The following SLC6A9 variants were observed in gnomAD, a reference collection of about 807,000 sequenced individuals.
SLC6A9 encodes the protein solute carrier family 6 member 9.
In SLC6A9, 31 loss-of-function variants were observed where a neutral mutation model predicts 70.9. The observed-to-expected ratio is 0.44, with a 90% CI of 0.33 to 0.59. SLC6A9 has a LOEUF of 0.59. SLC6A9 is among the 20% of genes least tolerant of loss of function. SLC6A9 has a pLI of 0.04. For missense variants in SLC6A9, 631 were observed against 845.2 expected (o/e 0.75, Z 3.14); for synonymous variants, 310 against 341.3 (o/e 0.91, Z 1.01).
chr1:44,025,457 A>G (rs1213864156), intron 1 of SLC6A9, among the ~76,000 whole-genome samples: 2 of 148,788 alleles, frequency 1.3e-5, no homozygotes, highest in Admixed American at 1.4e-4. Context: ...GCCTCATTGC[A>G]CTCCAGCCTG....
At chr1:44,010,550 T>G (rs1571882548) in intron 3 of SLC6A9, 176 bp downstream of exon 3, 1 of 469,216 alleles carries the variant, frequency 2.1e-6, no homozygotes, top group Admixed American at 3.8e-5. Flanking sequence ...ACTGCCAGGG[T>G]CTGGGGTGGC....
rs779879426 is a variant in SLC6A9 at position 43,997,614 on chromosome 1, G to A, written c.1833C>T (p.His611=). ...CAATGGGGATCTGCGCCTTGTCCGG[G>A]TGCAGTGGCTGGACCTCGAAGCCGT... ...PEDGFEVQPL[H]PDKAQIPIVG... The change falls in exon 14 of 14, where the codon CAC becomes CAT. Residue 611 remains histidine, a synonymous_variant. Coordinates refer to ENST00000372310, the MANE Select transcript of SLC6A9 (RefSeq NM_001024845.3). The surrounding 1 kb of genome is among the most constrained non-coding windows in gnomAD (Gnocchi z 4.4). 1.2e-6 allele frequency: 2 copies of A among 1,614,022 alleles called. No individual in the cohort carries two copies. The highest frequency in any genetic ancestry group is 2.2e-5 in the South Asian group (2 of 91,086).
intron 5 of SLC6A9, among the ~76,000 whole-genome samples, chr1:44,004,835 C>T (rs945780603): frequency 4.6e-5 from 7 of 152,190 alleles, no homozygotes; most frequent in African/African-American, 7.2e-5. Context: ...TGGAACCCAA[C>T]GTATTTACAA....
intron 3 of SLC6A9, 121 bp downstream of exon 3, chr1:44,010,605 A>C (rs2086528231): frequency 1.3e-5 from 13 of 971,658 alleles, no homozygotes; most frequent in Admixed American, 2.4e-5. Context: ...GGGGCGAAGG[A>C]GGCCAGGGCC....
chr1:44,010,458 G>C, intron 3 of SLC6A9: 1 of 102,324 alleles, frequency 9.8e-6, no homozygotes, highest in South Asian at 1.8e-4. Flanking sequence ...CTTGTGGGCG[G>C]GGGGGGGGGG....
Position 44,008,572 on chromosome 1 carries a change from T to C in SLC6A9, c.371A>G (p.Asn124Ser). 6.2e-7 allele frequency: 1 copy of C among 1,614,012 alleles called. No individual in the cohort carries two copies. Among genetic ancestry groups the C allele is most frequent in the Non-Finnish European group, 8.5e-7 (1 of 1,179,986 alleles). ...GTAGAAGGCGATGCAGATGACCACA[T>C]TGTAGTAGATGCCGATGTAGGTGGA... ...VVSTYIGIYYNVVICIAFYYF... is the reference protein window; with the variant it reads ...VVSTYIGIYYSVVICIAFYYF... The change falls in exon 5 of 14, where the codon AAT (asparagine) becomes AGT (serine). Residue 124 changes from asparagine (N) to serine (S), a missense_variant. Coordinates refer to ENST00000372310, the MANE Select transcript of SLC6A9 (RefSeq NM_001024845.3).
chr1:44,017,428 G>C (rs557379064), intron 2 of SLC6A9: 3 of 1,120,914 alleles, frequency 2.7e-6, no homozygotes, highest in East Asian at 1.2e-4. Context: ...CAGAGCAGGC[G>C]AGAGGGTGGC....
Position 43,997,632 on chromosome 1 carries a change from G to C in SLC6A9, c.1815C>G (p.Phe605Leu), listed in dbSNP as rs746391409. 1.9e-6 allele frequency: 3 copies of C among 1,613,900 alleles called. No homozygotes were observed. Among genetic ancestry groups the C allele is most frequent in the Non-Finnish European group, 2.5e-6 (3 of 1,180,008 alleles). The change falls in exon 14 of 14, where the codon TTC (phenylalanine) becomes TTG (leucine). Residue 605 changes from phenylalanine (F) to leucine (L), a missense_variant. Coordinates refer to ENST00000372310, the MANE Select transcript of SLC6A9 (RefSeq NM_001024845.3). This position sits in a 1 kb window ranked among gnomAD's most constrained non-coding sequence, Gnocchi z 4.4. ...TGTCCGGGTGCAGTGGCTGGACCTC[G>C]AAGCCGTCCTCAGGAGAGGGGGCTA... The part of the protein sequence containing the change: ...PTIAPSPEDG[F>L]EVQPLHPDKA...
At chr1:44,001,087 C>T (rs2154304459) in intron 10 of SLC6A9, 32 bp from the exon 11 acceptor site, 1 of 1,604,278 alleles carries the variant, frequency 6.2e-7, no homozygotes, top group Non-Finnish European at 8.5e-7. Context: ...TGGGAGGCGC[C>T]TGCAGCCCGG....
At chr1:44,017,126 C>T (rs1027624767) in intron 2 of SLC6A9, 1 of 1,607,416 alleles carries the variant, frequency 6.2e-7, no homozygotes. Context: ...CGTGTCTCCG[C>T]CGCTCATTCA....
rs1182622536 is a variant in SLC6A9, at chr1:44,002,435, G to A, written c.859-19C>T. The A allele has an allele frequency of 3.7e-6, 6 of 1,613,142 alleles. No individual in the cohort carries two copies. Among genetic ancestry groups the A allele is most frequent in the African/African-American group, 1.3e-5 (1 of 75,026 alleles). On this transcript the variant is annotated intron_variant, in intron 7 of 13. Transcript: ENST00000372310. The surrounding 1 kb of genome is among the most constrained non-coding windows in gnomAD (Gnocchi z 5.5). ...CCCACACCTGCAGGGAAGGACCGGT[G>A]GGTGAGGAGCTGTGGGCAGAGGCAG...
chr1:44,001,333 C>T, intron 9 of SLC6A9, 35 bp from the exon 10 acceptor site: 1 of 1,614,054 alleles, frequency 6.2e-7, no homozygotes, highest in Non-Finnish European at 8.5e-7. Context: ...GAGACCTGCC[C>T]CTTGTTCCTG....
At chr1:44,021,617 A>G (rs763142276) in intron 2 of SLC6A9, among the ~76,000 whole-genome samples, 2 of 152,248 alleles carry the variant, frequency 1.3e-5, no homozygotes, top group Non-Finnish European at 2.9e-5. Flanking sequence ...ATAGAGCAGC[A>G]GAAGCCACGG....
intron 2 of SLC6A9, chr1:44,011,753 G>A (rs1221696880): frequency 6.2e-7 from 1 of 1,609,646 alleles, no homozygotes; most frequent in South Asian, 1.1e-5. Context: ...GGTCAGGAGA[G>A]GCAGATGCGG....
chr1:44,024,591 C>G (rs2086948172), intron 1 of SLC6A9, among the ~76,000 whole-genome samples: 1 of 152,262 alleles, frequency 6.6e-6, no homozygotes, highest in Non-Finnish European at 1.5e-5. Context: ...GGGCAAAGGT[C>G]TATTTTTGAC....
chr1:44,000,260 A>T (rs74073350), intron 12 of SLC6A9, among the ~76,000 whole-genome samples: 1 of 152,116 alleles, frequency 6.6e-6, no homozygotes, highest in East Asian at 1.9e-4. Context: ...TATTCATAAA[A>T]CCTGGAACTC....
chr1:44,019,915 GC>G (rs1259822056), intron 2 of SLC6A9, among the ~76,000 whole-genome samples: 1 of 151,550 alleles, frequency 6.6e-6, no homozygotes, highest in East Asian at 1.9e-4. Context: ...TGTGTGGGAG[GC>G]CGGGCTACAG....
At chr1:44,030,935 C>T (rs1195446051) in intron 1 of SLC6A9, among the ~76,000 whole-genome samples, 1 of 152,116 alleles carries the variant, frequency 6.6e-6, no homozygotes, top group Non-Finnish European at 1.5e-5. Context: ...CGCTCTGGCT[C>T]CGGCGCTACC....
intron 1 of SLC6A9, among the ~76,000 whole-genome samples, chr1:44,025,223 G>A (rs982021907): frequency 1.3e-5 from 2 of 152,124 alleles, no homozygotes; most frequent in African/African-American, 4.8e-5. Context: ...GAGGGAAATA[G>A]CGAAGTCGGG....
Sources: gnomAD v4.1 joint callset for allele counts (sites outside exome capture counted in the v4.1 genomes callset) on GRCh38, gnomAD v4.1.1 for gene constraint, Gnocchi (gnomAD v3.1) non-coding constraint, MANE v1.5 for transcripts, NCBI Gene and HGNC (gene_info 2026-07-23, HGNC 2026-07-21) for gene names.